CNTN5: variants seen among roughly 807,000 people sequenced by gnomAD.
CNTN5 encodes the protein contactin-5.
In CNTN5, 77 loss-of-function variants were observed where a neutral mutation model predicts 129.1. That is an observed-to-expected ratio of 0.60 (90% CI 0.50 to 0.72). The LOEUF (loss-of-function observed/expected upper bound fraction) is 0.72. Ranked by LOEUF, CNTN5 falls within the 30% of genes least tolerant of loss-of-function variation. The pLI is 0.00. For synonymous variants in CNTN5, 509 were observed against 465.6 expected, an observed-to-expected ratio of 1.09 and a Z score of -1.20; for missense variants, 1,478 against 1,328.8, an observed-to-expected ratio of 1.11 and a Z score of -1.75.
chr11:100,088,308 T>G (rs1944632527), intron 13 of CNTN5, among the ~76,000 whole-genome samples: 1 of 151,860 alleles, frequency 6.6e-6, no homozygotes, highest in African/African-American at 2.4e-5. Flanking sequence ...TCTAACAATC[T>G]AACATCATAC....
chr11:99,617,517 A>C (rs1415341360), intron 3 of CNTN5, among the ~76,000 whole-genome samples: 1 of 152,136 alleles, frequency 6.6e-6, no homozygotes, highest in Non-Finnish European at 1.5e-5. Context: ...TGACACATAA[A>C]CTTTAGTAGA....
rs773978125 is a variant in CNTN5, at chr11:99,598,353, T to C, written c.55+42084T>C. On this transcript the variant is annotated intron_variant, in intron 3 of 24. Transcript: ENST00000524871. Reference sequence around the variant, plus strand: ...CCCTCTCTCTCTCTCTCTCTCTCTCTCTCTCTCTCTCTCTCTCTCTCCCTC... The same window carrying C: ...CCCTCTCTCTCTCTCTCTCTCTCTCCCTCTCTCTCTCTCTCTCTCTCCCTC... 2.2e-3 allele frequency among the ~76,000 whole-genome samples: 110 copies of C among 50,796 alleles called. 16 individuals are homozygous for C. The highest frequency in any genetic ancestry group is 4.9e-3 in the African/African-American group (64 of 13,182). The allele number at this position is 50,796 out of a possible 152,430, so 33.3% of individuals were successfully genotyped here. A position where few individuals can be genotyped will look rare whatever the true frequency, so the allele number is the denominator to read the frequency against.
intron 2 of CNTN5, among the ~76,000 whole-genome samples, chr11:99,363,654 T>C (rs1939265969): frequency 6.6e-6 from 1 of 152,078 alleles, no homozygotes; most frequent in African/African-American, 2.4e-5. Flanking sequence ...ATTAGCCTAC[T>C]AATTGTACCA....
intron 2 of CNTN5, among the ~76,000 whole-genome samples, chr11:99,522,868 C>T (rs948349591): frequency 3.3e-5 from 5 of 152,110 alleles, no homozygotes; most frequent in African/African-American, 1.2e-4. Context: ...CCTTCTCGCC[C>T]TTCCTTCATG....
intron 2 of CNTN5, among the ~76,000 whole-genome samples, chr11:99,460,629 G>A (rs1384383134): frequency 6.6e-6 from 1 of 151,930 alleles, no homozygotes; most frequent in Non-Finnish European, 1.5e-5. Context: ...TGGCCAACAC[G>A]TATTAACTGA....
Position 100,151,187 on chromosome 11 carries a change from TTGTG to T in CNTN5, c.1581-39935_1581-39932del, listed in dbSNP as rs546985326. 1.1e-3 allele frequency among the ~76,000 whole-genome samples: 168 copies of T among 149,780 alleles called. 1 individual carries two copies. Among genetic ancestry groups the T allele is most frequent in the African/African-American group, 4.1e-3 (167 of 40,628 alleles). ...ATAATTAATTTAGTTGTTGTAATTG[TTGTG>T]TGTAATTAAACTTGTATAAGTAAAT... On this transcript the variant is annotated intron_variant, in intron 13 of 24. Transcript: ENST00000524871.
chr11:99,804,750 CTA>C (rs1210531404), intron 3 of CNTN5, among the ~76,000 whole-genome samples: 1 of 150,690 alleles, frequency 6.6e-6, no homozygotes, highest in African/African-American at 2.4e-5. Context: ...GTGTTTGAGT[CTA>C]TGTTTATAGA....
intron 2 of CNTN5, among the ~76,000 whole-genome samples, chr11:99,355,827 T>G (rs1468180124): frequency 2.7e-5 from 4 of 149,822 alleles, no homozygotes; most frequent in South Asian, 2.1e-4. Flanking sequence ...TTTTGTTTTT[T>G]TTTTTTTTGT....
intron 1 of CNTN5, among the ~76,000 whole-genome samples, chr11:99,302,946 ATTAG>A (rs1297012192): frequency 3.3e-5 from 5 of 151,470 alleles, no homozygotes; most frequent in African/African-American, 4.8e-5. Flanking sequence ...TTATACATAT[ATTAG>A]TTATACTTGA....
intron 2 of CNTN5, among the ~76,000 whole-genome samples, chr11:99,531,947 G>A (rs1947724519): frequency 6.6e-6 from 1 of 152,118 alleles, no homozygotes; most frequent in South Asian, 2.1e-4. Context: ...TATGAGGTCG[G>A]AGAACCCACA....
At chr11:100,180,243 T>G (rs904954210) in intron 13 of CNTN5, among the ~76,000 whole-genome samples, 1 of 152,034 alleles carries the variant, frequency 6.6e-6, no homozygotes, top group East Asian at 1.9e-4. Context: ...ATCAAGACTG[T>G]GTAATGCTGG....
At chr11:99,837,130 G>C (rs546269636) in intron 4 of CNTN5, among the ~76,000 whole-genome samples, 6 of 152,096 alleles carry the variant, frequency 3.9e-5, no homozygotes, top group Non-Finnish European at 8.8e-5. Context: ...CAGCTCAGTA[G>C]GTCTCAGTCT....
At chr11:100,214,726 TTTTGGC>T (rs1195007981) in intron 15 of CNTN5, among the ~76,000 whole-genome samples, 1 of 152,166 alleles carries the variant, frequency 6.6e-6, no homozygotes. Context: ...ACGTCAAGTG[TTTTGGC>T]TTTAGTTAAC....
intron 2 of CNTN5, among the ~76,000 whole-genome samples, chr11:99,521,419 A>G (rs2135439542): frequency 2.0e-5 from 3 of 152,326 alleles, no homozygotes; most frequent in East Asian, 3.9e-4. Context: ...ATAATTTAGA[A>G]GGAAATACTT....
At chr11:99,266,918 T>C (rs1862927826) in intron 1 of CNTN5, among the ~76,000 whole-genome samples, 1 of 152,048 alleles carries the variant, frequency 6.6e-6, no homozygotes, top group African/African-American at 2.4e-5. Flanking sequence ...GAATTGCAGT[T>C]AGTCCAAGTG....
chr11:100,014,560 A>G (rs1351846768), intron 9 of CNTN5, among the ~76,000 whole-genome samples: 1 of 152,088 alleles, frequency 6.6e-6, no homozygotes, highest in East Asian at 1.9e-4. Flanking sequence ...CAGCCTGTCT[A>G]AAGAGTGAGA....
intron 4 of CNTN5, among the ~76,000 whole-genome samples, chr11:99,822,564 C>T (rs1174571097): frequency 1.3e-5 from 2 of 152,066 alleles, no homozygotes; most frequent in Non-Finnish European, 2.9e-5. Flanking sequence ...AATTTTAAAA[C>T]ATGAACTTGA....
At chr11:100,106,614 T>C (rs1453158503) in intron 13 of CNTN5, among the ~76,000 whole-genome samples, 3 of 152,124 alleles carry the variant, frequency 2.0e-5, no homozygotes, top group Non-Finnish European at 4.4e-5. Flanking sequence ...TGTATGATTG[T>C]AAAACCATTA....
chr11:99,794,911 G>C (rs779946126), intron 3 of CNTN5, among the ~76,000 whole-genome samples: 5 of 152,000 alleles, frequency 3.3e-5, no homozygotes, highest in African/African-American at 1.2e-4. Context: ...TGAGATGGCT[G>C]TCCTGTATAA....
Sources: gnomAD v4.1 joint callset for allele counts (sites outside exome capture counted in the v4.1 genomes callset) on GRCh38, gnomAD v4.1.1 for gene constraint, MANE v1.5 for transcripts, NCBI Gene and HGNC (gene_info 2026-07-23, HGNC 2026-07-21) for gene names.